ASTN2: variants seen among roughly 807,000 people sequenced by gnomAD.
The protein encoded by ASTN2 is astrotactin-2.
In ASTN2, 54 loss-of-function variants were observed where a neutral mutation model predicts 139.8. That is an observed-to-expected ratio of 0.39 (90% CI 0.31 to 0.48). The LOEUF is 0.48. ASTN2 is among the 20% of genes least tolerant of loss of function. The probability of loss-of-function intolerance (pLI) is 0.95; values close to 1 mark genes in which losing one functional copy is unlikely to be tolerated. For missense variants in ASTN2, 1,565 were observed against 1,725.1 expected, an observed-to-expected ratio of 0.91 and a Z score of 1.64; for synonymous variants, 756 against 719.5, an observed-to-expected ratio of 1.05 and a Z score of -0.81.
intron 1 of ASTN2, among the ~76,000 whole-genome samples, chr9:117,370,962 A>C (rs1472801674): frequency 6.6e-6 from 1 of 152,170 alleles, no homozygotes; most frequent in Non-Finnish European, 1.5e-5. Flanking sequence ...TACATTATTA[A>C]ATAACCACAA....
At chr9:117,382,843 A>T (rs1554724822) in intron 1 of ASTN2, among the ~76,000 whole-genome samples, 1 of 152,212 alleles carries the variant, frequency 6.6e-6, no homozygotes, top group Non-Finnish European at 1.5e-5. Context: ...TAGGCAAAGG[A>T]CTAAAAATGG....
chr9:116,682,637 C>G (rs1446762463), intron 16 of ASTN2, among the ~76,000 whole-genome samples: 6 of 152,144 alleles, frequency 3.9e-5, no homozygotes, highest in Non-Finnish European at 7.3e-5. Context: ...AAATGTCCAA[C>G]AATGATAGAC....
chr9:116,853,863 A>G (rs1301157658), intron 11 of ASTN2, among the ~76,000 whole-genome samples: 2 of 152,176 alleles, frequency 1.3e-5, no homozygotes, highest in African/African-American at 4.8e-5. Context: ...CAAAACACAG[A>G]AGGTGGCTTC....
At chr9:116,863,487 A>T in intron 11 of ASTN2, 96 bp downstream of exon 11, 1 of 1,498,998 alleles carries the variant, frequency 6.7e-7, no homozygotes, top group Non-Finnish European at 9.0e-7. Flanking sequence ...TGTGGATATG[A>T]TCCTCCTTAC....
intron 11 of ASTN2, among the ~76,000 whole-genome samples, chr9:116,852,878 T>C (rs201762938): frequency 4.5e-5 from 6 of 134,334 alleles, no homozygotes; most frequent in Non-Finnish European, 7.7e-5. Context: ...AAGGGGAAAA[T>C]ACACACACAC....
intron 10 of ASTN2, among the ~76,000 whole-genome samples, chr9:116,973,710 G>A (rs11787916): frequency 0.23 from 35,177 of 152,094 alleles, 5,088 homozygotes; most frequent in Middle Eastern, 0.34. Context: ...CTAAAATCTC[G>A]TATACTTCAA....
intron 19 of ASTN2, among the ~76,000 whole-genome samples, chr9:116,563,350 G>A (rs1340885555): frequency 3.3e-5 from 5 of 151,476 alleles, no homozygotes; most frequent in African/African-American, 9.7e-5. Flanking sequence ...ACTCCAGCCT[G>A]GGTGATAGAG....
chr9:116,971,335 A>C (rs6478266), intron 10 of ASTN2, among the ~76,000 whole-genome samples: 147,930 of 152,268 alleles, frequency 0.97, 72,002 homozygotes, highest in East Asian at 1. Flanking sequence ...TGAAAGCCTT[A>C]CCCCTCACCT....
intron 1 of ASTN2, among the ~76,000 whole-genome samples, chr9:117,406,275 A>T (rs1249561439): frequency 1.3e-5 from 2 of 152,058 alleles, no homozygotes; most frequent in African/African-American, 4.8e-5. Context: ...ATCAGTAGAG[A>T]CTCCTTCAGG....
intron 7 of ASTN2, among the ~76,000 whole-genome samples, chr9:116,996,847 T>C (rs981861118): frequency 3.9e-5 from 6 of 152,200 alleles, no homozygotes; most frequent in Non-Finnish European, 8.8e-5. Flanking sequence ...TTCCTGGATT[T>C]ATTTTTTAAA....
At chr9:116,572,482 G>A (rs10983240) in intron 19 of ASTN2, among the ~76,000 whole-genome samples, 31,766 of 152,174 alleles carry the variant, frequency 0.21, 4,380 homozygotes, top group African/African-American at 0.38. Flanking sequence ...ATAATTTGCC[G>A]TTGAAAGCGA....
chr9:117,142,215 T>C (rs998561954), intron 3 of ASTN2, among the ~76,000 whole-genome samples: 9 of 152,188 alleles, frequency 5.9e-5, no homozygotes, highest in African/African-American at 2.2e-4. Context: ...GCAAAAGGTA[T>C]CACCAAAAGG....
In ASTN2 at chr9:116,975,341, T is replaced by C; in HGVS notation, c.1756A>G (p.Thr586Ala). Residue 586 changes from threonine (T) to alanine (A), a missense_variant, in exon 10 of 23, where the codon ACT becomes GCT. Thr to Ala is a moderately conservative substitution (Grantham distance 58, BLOSUM62 0). This residue lies in a region of ASTN2 where 503 missense variants were observed against 591.7 expected (regional missense o/e 0.85). Coordinates refer to ENST00000313400, the MANE Select transcript of ASTN2 (RefSeq NM_001365068.1). The stretch of plus-strand genomic sequence containing the variant: ...CAGAGGCCTTGGCCCAAGCTGAAAG[T>C]AGACCTGCAATGTAAGAGTTTCCAT... The part of the protein sequence containing the change: ...EQAPEKILRS[T>A]FSLGQGLWLP... The C allele has an allele frequency of 6.2e-7, 1 of 1,606,398 alleles. No individual in the cohort carries two copies. Among genetic ancestry groups the C allele is most frequent in the Non-Finnish European group, 8.5e-7 (1 of 1,176,676 alleles).
At position 116,487,316 on chromosome 9, in the gene ASTN2, A is replaced by G. The variant is rs781340962; in HGVS notation, c.3497+43T>C. ...TGCCATTCCTCTTAGGCTTAAAATCATCCTGTCTGCCTCATGATCCCCACA... is the reference window on the plus strand; with the variant it reads ...TGCCATTCCTCTTAGGCTTAAAATCGTCCTGTCTGCCTCATGATCCCCACA... On this transcript the variant is annotated intron_variant, in intron 20 of 22. Transcript: ENST00000313400. The G allele has an allele frequency of 1.9e-6, 3 of 1,606,058 alleles. No homozygotes were observed. In the South Asian group the frequency reaches 3.3e-5, roughly 18 times the overall value.
chr9:116,610,085 A>C (rs574228052), intron 19 of ASTN2, among the ~76,000 whole-genome samples: 1 of 152,328 alleles, frequency 6.6e-6, no homozygotes, highest in African/African-American at 2.4e-5. Flanking sequence ...GATAACCTTA[A>C]ACCTAAACAT....
intron 13 of ASTN2, among the ~76,000 whole-genome samples, chr9:116,804,094 C>T (rs1364689984): frequency 6.6e-6 from 1 of 151,980 alleles, no homozygotes; most frequent in East Asian, 1.9e-4. Context: ...TGCCCAATAA[C>T]CAGCATGGTA....
intron 20 of ASTN2, among the ~76,000 whole-genome samples, chr9:116,445,529 C>T (rs896862186): frequency 6.6e-6 from 1 of 152,182 alleles, no homozygotes; most frequent in Non-Finnish European, 1.5e-5. Context: ...CCACTTCCTT[C>T]ACCCAAGAGG....
At chr9:116,931,070 C>G (rs1006808883) in intron 10 of ASTN2, among the ~76,000 whole-genome samples, 13 of 152,146 alleles carry the variant, frequency 8.5e-5, no homozygotes, top group African/African-American at 2.9e-4. Context: ...GCTTATGCAG[C>G]TCTCCAACAT....
intron 3 of ASTN2, among the ~76,000 whole-genome samples, chr9:117,211,831 T>C: frequency 6.6e-6 from 1 of 151,826 alleles, no homozygotes; most frequent in Non-Finnish European, 1.5e-5. Context: ...ATAAAATACA[T>C]AGAAATCAAT....
Sources: gnomAD v4.1 joint callset for allele counts (sites outside exome capture counted in the v4.1 genomes callset) on GRCh38, gnomAD v4.1.1 for gene constraint, gnomAD v4.1.1 regional missense constraint, MANE v1.5 for transcripts, NCBI Gene and HGNC (gene_info 2026-07-23, HGNC 2026-07-21) for gene names.